Variants in NFIB observed in about 807,000 individuals in gnomAD.
The protein encoded by NFIB is nuclear factor 1 B-type.
A neutral mutation model predicts 61.5 loss-of-function variants in NFIB; 11 were observed. The ratio of observed to expected loss-of-function variants is 0.18; its 90% CI spans 0.11 to 0.30. The LOEUF is 0.30. Among genes scored for constraint, NFIB ranks in the 10% least tolerant of loss-of-function variants. NFIB has a pLI of 1.00. For missense variants in NFIB, 471 were observed against 608.9 expected, an observed-to-expected ratio of 0.77 and a Z score of 2.38; for synonymous variants, 260 against 216.5, an observed-to-expected ratio of 1.20 and a Z score of -1.76.
intron 6 of NFIB, among the ~76,000 whole-genome samples, chr9:14,136,679 A>G (rs147824588): frequency 7.2e-4 from 110 of 152,340 alleles, no homozygotes; most frequent in African/African-American, 2.5e-3. Flanking sequence ...GATTTACAGG[A>G]AAGTCCTATA....
chr9:14,139,601 A>G (rs962983293), intron 6 of NFIB, among the ~76,000 whole-genome samples: 4 of 152,298 alleles, frequency 2.6e-5, no homozygotes, highest in African/African-American at 9.6e-5. Flanking sequence ...TGTATTTTCA[A>G]ATCTTTAAGC....
chr9:14,267,827 C>A (rs956788656), intron 2 of NFIB, among the ~76,000 whole-genome samples: 17 of 152,238 alleles, frequency 1.1e-4, no homozygotes, highest in African/African-American at 4.1e-4. Flanking sequence ...AATACGTAGC[C>A]TGTTTTAGGT....
At chr9:14,526,371 C>T in the NFIB span, among the ~76,000 whole-genome samples, 3 of 152,062 alleles carry the variant, frequency 2.0e-5, no homozygotes, top group East Asian at 1.9e-4. Context: ...ATGATCATAA[C>T]GAACATTTCC....
intron 10 of NFIB, among the ~76,000 whole-genome samples, chr9:14,095,849 G>T (rs1038305259): frequency 3.3e-5 from 5 of 152,122 alleles, no homozygotes; most frequent in Admixed American, 2.6e-4. Flanking sequence ...AAGGGCAAAA[G>T]ATCTTACATG....
chr9:14,490,524 C>G, the NFIB span, among the ~76,000 whole-genome samples: 273 of 151,954 alleles, frequency 1.8e-3, 1 homozygote, highest in African/African-American at 6.3e-3. Context: ...GAAAAGATGC[C>G]AAAATATGGA....
chr9:14,242,171 T>C (rs2054434033), intron 2 of NFIB, among the ~76,000 whole-genome samples: 1 of 152,226 alleles, frequency 6.6e-6, no homozygotes, highest in African/African-American at 2.4e-5. Context: ...GAGTCTTTAT[T>C]TTTCAGATGA....
chr9:14,339,878 T>A (rs1242681841), intron 1 of NFIB, among the ~76,000 whole-genome samples: 2 of 152,160 alleles, frequency 1.3e-5, no homozygotes, highest in African/African-American at 4.8e-5. Context: ...AGAAAGACAG[T>A]CGTCAGTGGC....
intron 2 of NFIB, among the ~76,000 whole-genome samples, chr9:14,187,436 G>T (rs1464732344): frequency 1.3e-5 from 2 of 152,064 alleles, no homozygotes; most frequent in Admixed American, 1.3e-4. Flanking sequence ...TCTTTCTGTT[G>T]TTTAACATTG....
rs148844966 is a variant in NFIB at position 14,371,114 on chromosome 9, AAAACAAAC to A, written c.108+27402_108+27409del. ...TGTCTCAAAAAAACCAAACCAAAAC[AAAACAAAC>A]AAACAAACAAACAAACAAAAACACA... On this transcript the variant is annotated intron_variant, in intron 1 of 8. Coordinates refer to the NFIB transcript ENST00000380934. 1.7e-4 allele frequency among the ~76,000 whole-genome samples: 26 copies of A among 151,980 alleles called. No individual in the cohort carries two copies. The East Asian group carries it at 1.9e-3, about 11-fold the overall frequency.
the NFIB span, among the ~76,000 whole-genome samples, chr9:14,458,467 T>C: frequency 6.6e-5 from 10 of 152,344 alleles, no homozygotes; most frequent in African/African-American, 2.2e-4. Flanking sequence ...AAGACAGGGA[T>C]GCCCTCTCTC....
chr9:14,116,411 C>G, intron 8 of NFIB, 65 bp from the exon 9 acceptor site: 1 of 1,406,700 alleles, frequency 7.1e-7, no homozygotes, highest in South Asian at 1.6e-5. Flanking sequence ...TTCAACAAGT[C>G]CACTCAGCAC....
At chr9:14,113,904 A>AC (rs1563797804) in intron 9 of NFIB, among the ~76,000 whole-genome samples, 5 of 150,344 alleles carry the variant, frequency 3.3e-5, no homozygotes, top group African/African-American at 1.2e-4. Flanking sequence ...CACACACACA[A>AC]AAAAAAAATG....
chr9:14,496,072 CA>C, the NFIB span, among the ~76,000 whole-genome samples: 1 of 152,122 alleles, frequency 6.6e-6, no homozygotes, highest in East Asian at 1.9e-4. Flanking sequence ...TTACTTAGTT[CA>C]GGGCGTGGCA....
chr9:14,082,526 C>T lies in NFIB; in HGVS notation c.*5783G>A. 9.7e-6 allele frequency: 2 copies of T among 206,596 alleles called. No individual in the cohort carries two copies. The highest frequency in any genetic ancestry group is 9.9e-6 in the Non-Finnish European group (1 of 100,928). The allele number at this position is 206,596 out of a possible 1,614,324, so 12.8% of individuals were successfully genotyped here. ...AAACCTATGCCTGGGATGTAGTTACCCCTCACATTCTACAATGTTGTAGAG... is the reference window on the plus strand; with the variant it reads ...AAACCTATGCCTGGGATGTAGTTACTCCTCACATTCTACAATGTTGTAGAG... On this transcript the variant is annotated 3_prime_UTR_variant, in exon 11 of 11. Coordinates refer to ENST00000380953, the MANE Select transcript of NFIB (RefSeq NM_001190737.2).
intron 2 of NFIB, among the ~76,000 whole-genome samples, chr9:14,271,656 T>C (rs747332847): frequency 6.6e-5 from 10 of 152,154 alleles, no homozygotes; most frequent in Non-Finnish European, 1.3e-4. Flanking sequence ...CGAAGAGGGA[T>C]GAGGTGGTTG....
intron 2 of NFIB, among the ~76,000 whole-genome samples, chr9:14,191,453 G>T (rs899228735): frequency 2.0e-5 from 3 of 152,166 alleles, no homozygotes; most frequent in Non-Finnish European, 4.4e-5. Context: ...GAAAATAAAT[G>T]ATGACGGGCA....
chr9:14,301,317 C>G (rs1274856908), intron 2 of NFIB, among the ~76,000 whole-genome samples: 1 of 152,072 alleles, frequency 6.6e-6, no homozygotes, highest in Non-Finnish European at 1.5e-5. Flanking sequence ...TTGGTTCTTA[C>G]AAATATGGAG....
the NFIB span, among the ~76,000 whole-genome samples, chr9:14,442,919 G>T: frequency 6.6e-6 from 1 of 152,152 alleles, no homozygotes; most frequent in East Asian, 1.9e-4. Flanking sequence ...TGCAGTCTGC[G>T]GAAGGCTATT....
chr9:14,370,444 T>A (rs1241819349), intron 1 of NFIB, among the ~76,000 whole-genome samples: 2 of 151,996 alleles, frequency 1.3e-5, no homozygotes, highest in African/African-American at 4.8e-5. Context: ...GGAATAAGAG[T>A]GTAAATGATA....
Sources: gnomAD v4.1 joint callset for allele counts (sites outside exome capture counted in the v4.1 genomes callset) on GRCh38, gnomAD v4.1.1 for gene constraint, MANE v1.5 for transcripts, NCBI Gene and HGNC (gene_info 2026-07-23, HGNC 2026-07-21) for gene names.